Variants in SUN3 observed in about 807,000 individuals in gnomAD.
SUN3 encodes the protein Sad1 and UNC84 domain containing 3.
A neutral mutation model predicts 48.2 loss-of-function variants in SUN3; 36 were observed. The ratio of observed to expected loss-of-function variants is 0.75; its 90% CI spans 0.57 to 0.99. The LOEUF (loss-of-function observed/expected upper bound fraction) is 0.99. SUN3 is among the 50% of genes least tolerant of loss of function. SUN3 has a pLI of 0.00. For synonymous variants in SUN3, 148 were observed against 147.9 expected (o/e 1.00, Z 0.00); for missense variants, 419 against 433.1 (o/e 0.97, Z 0.29).
chr7:48,022,393 A>G (rs1210524711), intron 2 of SUN3, among the ~76,000 whole-genome samples: 1 of 152,134 alleles, frequency 6.6e-6, no homozygotes, highest in Non-Finnish European at 1.5e-5. Context: ...ACTTAATTGT[A>G]CATTTTAAAA....
chr7:47,996,732 TA>T (rs1184121827), intron 6 of SUN3, among the ~76,000 whole-genome samples: 1 of 151,790 alleles, frequency 6.6e-6, no homozygotes, highest in African/African-American at 2.4e-5. Context: ...TGCATTTGCA[TA>T]ACACACCACA....
At position 48,025,937 on chromosome 7, in the gene SUN3, C is replaced by A. The variant is rs771723884; in HGVS notation, c.124G>T (p.Val42Leu). The A allele has an allele frequency of 6.3e-7, 1 of 1,591,648 alleles. No individual in the cohort carries two copies. The highest frequency in any genetic ancestry group is 8.6e-7 in the Non-Finnish European group (1 of 1,164,202). ...SEDENPDANG[V>L]TRSWKIILST... ...AGAATAATCTTCCATGATCGAGTTA[C>A]CCTAAAAGAATAAAAACAATGATTA... Residue 42 changes from valine to leucine, a missense_variant and splice_region_variant, in exon 2 of 10, where the codon GTA becomes TTA. Transcript: ENST00000297325.
At chr7:47,996,395 G>A (rs1789213268) in intron 6 of SUN3, among the ~76,000 whole-genome samples, 1 of 152,082 alleles carries the variant, frequency 6.6e-6, no homozygotes, top group Non-Finnish European at 1.5e-5. Flanking sequence ...TGAATTTTGA[G>A]GCAAGTAAAT....
At chr7:48,008,025 T>C (rs1376635556) in intron 4 of SUN3, among the ~76,000 whole-genome samples, 1 of 151,994 alleles carries the variant, frequency 6.6e-6, no homozygotes, top group African/African-American at 2.4e-5. Context: ...GGTTTCACCA[T>C]GTTGACCAGA....
chr7:48,023,122 T>C (rs1790045352), intron 2 of SUN3, among the ~76,000 whole-genome samples: 2 of 152,114 alleles, frequency 1.3e-5, no homozygotes, highest in South Asian at 4.1e-4. Context: ...AGTATTATTG[T>C]TTTGGGTTTG....
chr7:48,031,513 T>A (rs1308579923), upstream of SUN3, among the ~76,000 whole-genome samples: 2 of 152,144 alleles, frequency 1.3e-5, no homozygotes, highest in Non-Finnish European at 2.9e-5. Flanking sequence ...AAGAAATTGT[T>A]AATCTTAAAA....
chr7:48,028,768 C>T (rs533542564), intron 1 of SUN3, 49 bp downstream of exon 1: 1 of 1,599,014 alleles, frequency 6.3e-7, no homozygotes, highest in South Asian at 1.1e-5. Flanking sequence ...ACAGATGTAA[C>T]ACATAAAACC....
chr7:47,987,599 T>A, intron 9 of SUN3, 150 bp from the exon 10 acceptor site: 1 of 710,410 alleles, frequency 1.4e-6, no homozygotes, highest in African/African-American at 1.9e-5. Context: ...AGTGGCATGA[T>A]CATGGCTCAT....
At chr7:48,004,187 C>G (rs988433142) in intron 6 of SUN3, among the ~76,000 whole-genome samples, 1 of 152,124 alleles carries the variant, frequency 6.6e-6, no homozygotes, top group Admixed American at 6.5e-5. Flanking sequence ...ACATCTGTGT[C>G]ATGACGGGGT....
rs186972569 is a variant in SUN3, at chr7:48,024,911, T to C, written c.184+966A>G. ...TCCATTAGGCCCCCACCTGCAACAC[T>C]GGGGTTCAAATTTCAACATGAGGTT... is the stretch of plus-strand genomic sequence containing the variant. On this transcript the variant is annotated intron_variant, in intron 2 of 9. Transcript: ENST00000297325. 1.8e-4 allele frequency among the ~76,000 whole-genome samples: 28 copies of C among 152,266 alleles called. No individual in the cohort carries two copies. In the East Asian group the frequency reaches 5.4e-3, roughly 29 times the overall value.
intron 3 of SUN3, among the ~76,000 whole-genome samples, chr7:48,009,437 C>A (rs17132020): frequency 6.6e-6 from 1 of 152,022 alleles, no homozygotes; most frequent in Non-Finnish European, 1.5e-5. Flanking sequence ...GGAAGACAAG[C>A]GGGAGAGGCG....
upstream of SUN3, among the ~76,000 whole-genome samples, chr7:48,029,888 T>C (rs1450034951): frequency 1.3e-5 from 2 of 152,210 alleles, no homozygotes; most frequent in Non-Finnish European, 2.9e-5. Context: ...TCTGTTTTTT[T>C]TGGCAATTTC....
At chr7:48,020,450 T>C (rs749295304) in intron 2 of SUN3, among the ~76,000 whole-genome samples, 9 of 152,182 alleles carry the variant, frequency 5.9e-5, no homozygotes, top group Non-Finnish European at 1.5e-5. Context: ...AACATAGTAC[T>C]GGAAGTCCTA....
At position 48,009,085 on chromosome 7, in the gene SUN3, A is replaced by G. The variant is rs898089740; in HGVS notation, c.289-10T>C. 22 of 1,610,066 alleles carry G rather than the reference A, an allele frequency of 1.4e-5. No individual in the cohort carries two copies. The highest frequency in any genetic ancestry group is 1.8e-5 in the Non-Finnish European group (21 of 1,178,878). On this transcript the variant is annotated splice_polypyrimidine_tract_variant and intron_variant, in intron 3 of 9. Transcript: ENST00000297325. Reference sequence around the variant, plus strand: ...GCATACGAAGTCTGGCCTGAAAACAACAGAAAAAGATAAATCATTCTGAAT... The same window carrying G: ...GCATACGAAGTCTGGCCTGAAAACAGCAGAAAAAGATAAATCATTCTGAAT...
Position 48,028,949 on chromosome 7 carries a change from C to G in SUN3, c.-11G>C. 1 of 1,613,732 alleles carries G rather than the reference C, an allele frequency of 6.2e-7. No homozygotes were observed. ...TGTTTTTCCACTCATGATCCCCTAC[C>G]AAAGAACAAACAGCTGGTAGGATGA... On this transcript the variant is annotated 5_prime_UTR_variant, in exon 1 of 10. Transcript: ENST00000297325.
intron 3 of SUN3, among the ~76,000 whole-genome samples, chr7:48,014,830 G>T (rs1392699620): frequency 2.6e-5 from 4 of 152,170 alleles, no homozygotes; most frequent in Non-Finnish European, 4.4e-5. Context: ...TTCAGGGCAG[G>T]CTGGCAGGCT....
At chr7:48,016,206 C>T (rs1789807675) in intron 3 of SUN3, among the ~76,000 whole-genome samples, 1 of 152,200 alleles carries the variant, frequency 6.6e-6, no homozygotes, top group African/African-American at 2.4e-5. Context: ...CACTTTGACT[C>T]TCTACGATTC....
At chr7:48,016,022 G>A (rs564292500) in intron 3 of SUN3, among the ~76,000 whole-genome samples, 1 of 152,272 alleles carries the variant, frequency 6.6e-6, no homozygotes, top group African/African-American at 2.4e-5. Context: ...CCAAGAGTCT[G>A]AACCTCCCCA....
At chr7:47,987,597 G>T in intron 9 of SUN3, 148 bp from the exon 10 acceptor site, 2 of 730,848 alleles carry the variant, frequency 2.7e-6, no homozygotes, top group South Asian at 5.9e-5. Context: ...GCAGTGGCAT[G>T]ATCATGGCTC....
Sources: gnomAD v4.1 joint callset for allele counts (sites outside exome capture counted in the v4.1 genomes callset) on GRCh38, gnomAD v4.1.1 for gene constraint, MANE v1.5 for transcripts, NCBI Gene and HGNC (gene_info 2026-07-23, HGNC 2026-07-21) for gene names.